Variants in ZNF573 observed in about 807,000 individuals in gnomAD.
The protein encoded by ZNF573 is zinc finger protein 573.
ZNF573 carries 41 observed loss-of-function variants against 57.4 expected under a neutral mutation model. The ratio of observed to expected loss-of-function variants is 0.71; its 90% confidence interval spans 0.56 to 0.93. The LOEUF is 0.93. Among genes scored for constraint, ZNF573 ranks in the 40% least tolerant of loss-of-function variants. The pLI is 0.00. For synonymous variants in ZNF573, 249 were observed against 261.0 expected (o/e 0.95, Z 0.44); for missense variants, 730 against 794.8 (o/e 0.92, Z 0.98).
At chr19:37,742,541 A>C (rs1337352422) in intron 4 of ZNF573, among the ~76,000 whole-genome samples, 1 of 152,182 alleles carries the variant, frequency 6.6e-6, no homozygotes, top group Non-Finnish European at 1.5e-5. Context: ...CAACCATCTG[A>C]TCTTCAACAA....
intron 4 of ZNF573, among the ~76,000 whole-genome samples, chr19:37,758,837 A>T (rs996223685): frequency 2.0e-4 from 31 of 152,182 alleles, no homozygotes; most frequent in Non-Finnish European, 2.9e-5. Flanking sequence ...CGTTAAATAT[A>T]GAAAAATAAA....
At chr19:37,761,247 A>C (rs2045550034) in intron 4 of ZNF573, among the ~76,000 whole-genome samples, 1 of 152,152 alleles carries the variant, frequency 6.6e-6, no homozygotes, top group South Asian at 2.1e-4. Flanking sequence ...TTGGAAGCTA[A>C]AATCTGTGGT....
At position 37,739,925 on chromosome 19, in the gene ZNF573, G is replaced by T. The variant is rs1282997931; in HGVS notation, c.565C>A (p.Pro189Thr). 1.2e-6 allele frequency: 2 copies of T among 1,613,950 alleles called. No homozygotes were observed. The highest frequency in any genetic ancestry group is 1.7e-6 in the Non-Finnish European group (2 of 1,180,014). ...TTCCCACATTCTGTACATTCATAGG[G>T]TTTCTCACCAGTATGAAATCTTTGA... Reference protein sequence around the residue: ...LHQRFHTGEKPYECTECGKNF... With the variant: ...LHQRFHTGEKTYECTECGKNF... The change falls in exon 5 of 5, where the codon CCC becomes ACC. Residue 189 changes from proline (P) to threonine (T), a missense_variant. Coordinates refer to ENST00000536220, the MANE Select transcript of ZNF573 (RefSeq NM_001172690.2).
chr19:37,757,624 G>A (rs151123751), intron 4 of ZNF573, among the ~76,000 whole-genome samples: 1 of 152,318 alleles, frequency 6.6e-6, no homozygotes, highest in Non-Finnish European at 1.5e-5. Flanking sequence ...TACTGTGGAA[G>A]ACAGTGTGGC....
At position 37,770,860 on chromosome 19, in the gene ZNF573, A is replaced by ATATATATATATATATG. The variant is rs1568424276; in HGVS notation, c.202+703_202+704insCATATATATATATATA. Among the ~76,000 whole-genome samples the ATATATATATATATATG allele has an allele frequency of 4.7e-3, 472 of 101,072 alleles. 24 individuals are homozygous for ATATATATATATATATG. Among genetic ancestry groups the ATATATATATATATATG allele is most frequent in the East Asian group, 0.036 (128 of 3,540 alleles). The allele number at this position is 101,072 out of a possible 152,430, so 66.3% of individuals were successfully genotyped here. On this transcript the variant is annotated intron_variant, in intron 3 of 4. Coordinates refer to ENST00000536220, the MANE Select transcript of ZNF573 (RefSeq NM_001172690.2). ...TATATATATATATATATATATATAT[A>ATATATATATATATATG]TATATATATATATTCCCCCTCCCTT...
At chr19:37,776,563 C>T (rs1437004595) in intron 1 of ZNF573, among the ~76,000 whole-genome samples, 1 of 152,190 alleles carries the variant, frequency 6.6e-6, no homozygotes, top group East Asian at 1.9e-4. Flanking sequence ...CTCTTCTACA[C>T]ATTGGCTTAG....
At chr19:37,775,355 A>T (rs1347777609) in intron 1 of ZNF573, among the ~76,000 whole-genome samples, 3 of 152,106 alleles carry the variant, frequency 2.0e-5, no homozygotes, top group Admixed American at 6.6e-5. Context: ...TGAAGAAAAA[A>T]TTAGACAGTA....
intron 4 of ZNF573, among the ~76,000 whole-genome samples, chr19:37,764,945 G>C (rs1454883626): frequency 7.9e-6 from 1 of 126,228 alleles, no homozygotes; most frequent in African/African-American, 3.1e-5. Flanking sequence ...CACTCTTGTC[G>C]CCTAGGCTGG....
At chr19:37,769,958 C>T in intron 4 of ZNF573, 47 bp downstream of exon 4, 2 of 1,478,112 alleles carry the variant, frequency 1.4e-6, no homozygotes, top group Non-Finnish European at 1.9e-6. Flanking sequence ...CTTTCTCTTA[C>T]CACATGGGCT....
chr19:37,748,437 G>A (rs1393337099), intron 4 of ZNF573, among the ~76,000 whole-genome samples: 1 of 152,084 alleles, frequency 6.6e-6, no homozygotes. Context: ...TTTGGTTGGT[G>A]GAGAAAAGAA....
At chr19:37,771,469 C>A in intron 3 of ZNF573, 95 bp downstream of exon 3, 1 of 1,419,722 alleles carries the variant, frequency 7.0e-7, no homozygotes, top group South Asian at 1.3e-5. Flanking sequence ...AGGAGAAATT[C>A]AACTATGTCT....
At chr19:37,761,155 A>G (rs1017088955) in intron 4 of ZNF573, among the ~76,000 whole-genome samples, 13 of 152,136 alleles carry the variant, frequency 8.5e-5, no homozygotes, top group African/African-American at 3.1e-4. Flanking sequence ...GCACCACTGC[A>G]CCTGCACTCT....
At chr19:37,740,249 A>C in intron 4 of ZNF573, 55 bp from the exon 5 acceptor site, 1 of 1,449,242 alleles carries the variant, frequency 6.9e-7, no homozygotes, top group Non-Finnish European at 9.2e-7. Flanking sequence ...AGAGAACAAG[A>C]AACTTTATGC....
At chr19:37,741,709 A>G (rs1017599538) in intron 4 of ZNF573, among the ~76,000 whole-genome samples, 1 of 152,194 alleles carries the variant, frequency 6.6e-6, no homozygotes, top group Non-Finnish European at 1.5e-5. Context: ...ACAAACCCAC[A>G]GCTGATATCA....
intron 2 of ZNF573, among the ~76,000 whole-genome samples, 164 bp downstream of exon 2, chr19:37,773,497 T>C (rs1406052118): frequency 6.6e-6 from 1 of 152,180 alleles, no homozygotes; most frequent in East Asian, 1.9e-4. Flanking sequence ...AAAATACTCA[T>C]AGGGAGAAAA....
chr19:37,752,426 A>C (rs2045447069), intron 4 of ZNF573, among the ~76,000 whole-genome samples: 1 of 152,228 alleles, frequency 6.6e-6, no homozygotes. Flanking sequence ...AGCCATAAAA[A>C]AAGAATGAGT....
At chr19:37,763,195 T>TCA (rs1473446908) in intron 4 of ZNF573, among the ~76,000 whole-genome samples, 1 of 152,040 alleles carries the variant, frequency 6.6e-6, no homozygotes, top group African/African-American at 2.4e-5. Flanking sequence ...TATGCATGAA[T>TCA]CACTGCAGCC....
chr19:37,743,667 T>C (rs1418778902), intron 4 of ZNF573, among the ~76,000 whole-genome samples: 1 of 152,190 alleles, frequency 6.6e-6, no homozygotes. Flanking sequence ...TAAATCATTC[T>C]ACTAGAAAGA....
chr19:37,744,921 A>T (rs2045366108), intron 4 of ZNF573, among the ~76,000 whole-genome samples: 1 of 151,496 alleles, frequency 6.6e-6, no homozygotes, highest in Non-Finnish European at 1.5e-5. Flanking sequence ...AGCTGGGACT[A>T]CAGGCACCCG....
Sources: allele counts gnomAD v4.1 joint callset (sites outside exome capture counted in the v4.1 genomes callset), GRCh38; gene constraint gnomAD v4.1.1; transcripts MANE v1.5; gene names NCBI Gene and HGNC (gene_info 2026-07-23, HGNC 2026-07-21).